The following CPS1 variants were observed in gnomAD, a reference collection of about 807,000 sequenced individuals.
The protein encoded by CPS1 is carbamoyl-phosphate synthase [ammonia], mitochondrial.
In CPS1, 109 loss-of-function variants were observed where a neutral mutation model predicts 174.6. That is an observed-to-expected ratio of 0.62 (90% CI 0.53 to 0.73). The LOEUF (loss-of-function observed/expected upper bound fraction) is 0.73, where lower values mean the gene tolerates loss of function less well. Ranked by LOEUF, CPS1 falls within the 30% of genes least tolerant of loss-of-function variation. The pLI is 0.00. For missense variants in CPS1, 1,689 were observed against 1,821.9 expected, an observed-to-expected ratio of 0.93 and a Z score of 1.33; for synonymous variants, 637 against 632.0, an observed-to-expected ratio of 1.01 and a Z score of -0.12.
intron 1 of CPS1, among the ~76,000 whole-genome samples, chr2:210,502,291 C>T (rs561462543): frequency 3.3e-5 from 5 of 151,454 alleles, no homozygotes; most frequent in Non-Finnish European, 7.4e-5. Context: ...TGTGCAATAT[C>T]TTGCTATTTC....
At chr2:210,574,901 TTCA>T (rs1292021619) in intron 2 of CPS1, among the ~76,000 whole-genome samples, 1 of 152,072 alleles carries the variant, frequency 6.6e-6, no homozygotes, top group African/African-American at 2.4e-5. Context: ...GGAAAAGGTA[TTCA>T]TCTATAAGAT....
At chr2:210,589,716 A>G (rs1176087770) in intron 7 of CPS1, among the ~76,000 whole-genome samples, 2 of 151,896 alleles carry the variant, frequency 1.3e-5, no homozygotes, top group East Asian at 2.0e-4. Flanking sequence ...CTAGAGTGCA[A>G]TGGTGTGATC....
chr2:210,636,095 G>T (rs1700034870), intron 21 of CPS1, among the ~76,000 whole-genome samples: 1 of 152,078 alleles, frequency 6.6e-6, no homozygotes, highest in African/African-American at 2.4e-5. Flanking sequence ...AGATCTTCTG[G>T]CAATACACTA....
At chr2:210,592,206 C>G (rs1479232826) in intron 10 of CPS1, among the ~76,000 whole-genome samples, 3 of 151,994 alleles carry the variant, frequency 2.0e-5, no homozygotes, top group Non-Finnish European at 2.9e-5. Flanking sequence ...ATAAATTATT[C>G]ACTCAGAATA....
At chr2:210,572,418 A>G (rs866190120) in intron 1 of CPS1, among the ~76,000 whole-genome samples, 1 of 152,046 alleles carries the variant, frequency 6.6e-6, no homozygotes, top group Non-Finnish European at 1.5e-5. Flanking sequence ...CCTAAGGTGT[A>G]GTTGAAAACA....
At chr2:210,547,264 C>G (rs1427195163) in intron 1 of CPS1, among the ~76,000 whole-genome samples, 1 of 152,010 alleles carries the variant, frequency 6.6e-6, no homozygotes, top group Non-Finnish European at 1.5e-5. Flanking sequence ...TTTTAAAAAG[C>G]ACTTTGTTTT....
intron 1 of CPS1, among the ~76,000 whole-genome samples, chr2:210,509,996 T>C (rs568114968): frequency 6.6e-6 from 1 of 152,134 alleles, no homozygotes; most frequent in Non-Finnish European, 1.5e-5. Context: ...AAGCTACCAA[T>C]GACTTTCTTC....
At chr2:210,545,617 A>G (rs1373254881) in intron 1 of CPS1, among the ~76,000 whole-genome samples, 2 of 152,070 alleles carry the variant, frequency 1.3e-5, no homozygotes, top group Non-Finnish European at 2.9e-5. Flanking sequence ...GATATATTTT[A>G]TCATGCTTTT....
chr2:210,673,858 TCAAGGTAACA>T (rs1701409657), intron 34 of CPS1: 2 of 152,094 alleles, frequency 1.3e-5, no homozygotes, highest in South Asian at 4.1e-4. Flanking sequence ...AGTAAGATAT[TCAAGGTAACA>T]CAGTTTAATA....
rs59164194 is a variant in CPS1, at chr2:210,514,785, C to CTTT, written c.3+37030_3+37032dup. ...GTTCCAGTTCTCAATGGGAATGCTT[C>CTTT]TTTTTTTTTTTTTGGTCTGTTTAGT... is the stretch of plus-strand genomic sequence containing the variant. On this transcript the variant is annotated intron_variant, in intron 1 of 38. Transcript: ENST00000430249. Among the ~76,000 whole-genome samples, 1,295 of 140,828 alleles carry CTTT rather than the reference C, an allele frequency of 9.2e-3. 13 individuals carry two copies. Among genetic ancestry groups the CTTT allele is most frequent in the Non-Finnish European group, 0.013 (867 of 64,828 alleles). The allele number at this position is 140,828 out of a possible 152,430, so 92.4% of individuals were successfully genotyped here. A position where few individuals can be genotyped will look rare whatever the true frequency, so the allele number is the denominator to read the frequency against.
At chr2:210,493,876 T>C (rs16844550) in intron 1 of CPS1, among the ~76,000 whole-genome samples, 8,129 of 144,068 alleles carry the variant, frequency 0.056, 673 homozygotes, top group African/African-American at 0.18. Flanking sequence ...AGAGGAATTA[T>C]TTCATTCATA....
In CPS1 at chr2:210,576,472, G is replaced by T; in HGVS notation, c.363G>T (p.Leu121Phe). 6.2e-7 allele frequency: 1 copy of T among 1,613,480 alleles called. No individual in the cohort carries two copies. The highest frequency in any genetic ancestry group is 1.1e-5 in the South Asian group (1 of 91,066). The change falls in exon 3 of 38, where the codon TTG becomes TTT. Residue 121 changes from leucine (L) to phenylalanine (F), a missense_variant. Physicochemically the swap from Leu to Phe is conservative, Grantham distance 22. Coordinates refer to ENST00000233072, the MANE Select transcript of CPS1 (RefSeq NM_001875.5). ...ATGAACTGGGACTTAGCAAATATTT[G>T]GAGTCTAATGGAATCAAGGTAGTAC... ...ALDELGLSKY[L>F]ESNGIKVSGL...
chr2:210,527,122 C>G, intron 1 of CPS1, among the ~76,000 whole-genome samples: 1 of 151,490 alleles, frequency 6.6e-6, no homozygotes, highest in East Asian at 1.9e-4. Context: ...TTCTTTATTT[C>G]TTTCCTTTCC....
intron 1 of CPS1, among the ~76,000 whole-genome samples, chr2:210,565,285 T>C (rs963866918): frequency 1.3e-5 from 2 of 152,138 alleles, no homozygotes; most frequent in African/African-American, 4.8e-5. Context: ...ACTAGTAATT[T>C]AATCTTTAAT....
intron 1 of CPS1, among the ~76,000 whole-genome samples, chr2:210,525,877 A>AGACAAG (rs1328930808): frequency 6.6e-6 from 1 of 151,674 alleles, no homozygotes; most frequent in Admixed American, 6.6e-5. Context: ...AGTAGGAGAA[A>AGACAAG]GACAAGGACA....
chr2:210,494,765 A>G lies in CPS1; in HGVS notation c.3+16999A>G, dbSNP rs577977700. Among the ~76,000 whole-genome samples, 48 of 152,302 alleles carry G rather than the reference A, an allele frequency of 3.2e-4. 1 individual carries two copies. In the South Asian group the frequency reaches 9.9e-3, roughly 32 times the overall value. The stretch of plus-strand genomic sequence containing the variant: ...CTCTGTTTTGTCTTACACTTCACTG[A>G]AGTATGCACTGCATACTGAGATTTG... On this transcript the variant is annotated intron_variant, in intron 1 of 38. Transcript: ENST00000430249.
intron 21 of CPS1, among the ~76,000 whole-genome samples, chr2:210,616,977 G>A (rs557369491): frequency 4.0e-5 from 6 of 151,844 alleles, no homozygotes; most frequent in Non-Finnish European, 8.8e-5. Context: ...GTATATTGAG[G>A]AGAAAATGCA....
At chr2:210,480,046 A>G (rs1270330861) in intron 1 of CPS1, among the ~76,000 whole-genome samples, 1 of 152,196 alleles carries the variant, frequency 6.6e-6, no homozygotes, top group African/African-American at 2.4e-5. Flanking sequence ...GCCTCAAAAC[A>G]TAATCTCCAA....
intron 1 of CPS1, among the ~76,000 whole-genome samples, chr2:210,510,098 G>C (rs1695419838): frequency 6.6e-6 from 1 of 152,116 alleles, no homozygotes; most frequent in Non-Finnish European, 1.5e-5. Context: ...AACAAAGCTG[G>C]AGGCATCACA....
Sources: gnomAD v4.1 joint callset for allele counts (sites outside exome capture counted in the v4.1 genomes callset) on GRCh38, gnomAD v4.1.1 for gene constraint, MANE v1.5 for transcripts, NCBI Gene and HGNC (gene_info 2026-07-23, HGNC 2026-07-21) for gene names.